SNX29: variants seen among roughly 807,000 people sequenced by gnomAD.
SNX29 encodes sorting nexin-29.
Under a neutral mutation model 102.1 loss-of-function variants are expected in SNX29, and 78 were observed. The observed-to-expected ratio is 0.76, with a 90% confidence interval of 0.64 to 0.92. The LOEUF (loss-of-function observed/expected upper bound fraction) is 0.92, where lower values mean the gene tolerates loss of function less well. Ranked by LOEUF, SNX29 falls within the 40% of genes least tolerant of loss-of-function variation. The pLI is 0.00. For missense variants in SNX29, 1,280 were observed against 1,061.7 expected (o/e 1.21, Z -2.86); for synonymous variants, 580 against 414.5 (o/e 1.40, Z -4.85).
chr16:12,116,746 A>G (rs1436694845), intron 11 of SNX29, among the ~76,000 whole-genome samples: 3 of 152,046 alleles, frequency 2.0e-5, no homozygotes, highest in African/African-American at 4.8e-5. Context: ...TAGTCAATAC[A>G]TGCTTCAACA....
At chr16:12,362,386 A>G (rs1597076591) in intron 16 of SNX29, among the ~76,000 whole-genome samples, 1 of 151,760 alleles carries the variant, frequency 6.6e-6, no homozygotes, top group African/African-American at 2.4e-5. Context: ...AAGGGTGACC[A>G]CCTCCTCCCA....
intron 8 of SNX29, chr16:12,053,209 C>G (rs1262314113): frequency 1.3e-5 from 2 of 150,160 alleles, no homozygotes; most frequent in Non-Finnish European, 2.9e-5. Context: ...GCAGGAGAAT[C>G]GCTTGAATAT....
intron 10 of SNX29, among the ~76,000 whole-genome samples, chr16:12,074,247 G>A (rs2051437418): frequency 6.6e-6 from 1 of 151,758 alleles, no homozygotes. Flanking sequence ...GTTAGTTGAT[G>A]CAGTTTCTTT....
chr16:12,541,125 C>G (rs137918135), intron 20 of SNX29, among the ~76,000 whole-genome samples: 2 of 152,074 alleles, frequency 1.3e-5, no homozygotes, highest in Admixed American at 1.3e-4. Context: ...GGAGGGGAGA[C>G]ACAGGGGGAG....
chr16:12,074,985 C>G (rs948558464), intron 10 of SNX29, among the ~76,000 whole-genome samples: 1 of 152,190 alleles, frequency 6.6e-6, no homozygotes, highest in South Asian at 2.1e-4. Flanking sequence ...CATTCTTCAC[C>G]TAGTTGTCGA....
chr16:12,284,222 T>C (rs538978804), intron 15 of SNX29, among the ~76,000 whole-genome samples: 1 of 152,372 alleles, frequency 6.6e-6, no homozygotes, highest in African/African-American at 2.4e-5. Flanking sequence ...AGCACATGTA[T>C]CGCGTGTCAG....
chr16:12,043,355 ATT>A (rs149579871), intron 5 of SNX29, among the ~76,000 whole-genome samples: 18 of 140,524 alleles, frequency 1.3e-4, no homozygotes, highest in East Asian at 2.1e-4. Flanking sequence ...CACTTTCTGG[ATT>A]TTTTTTTTTT....
At chr16:12,465,275 T>C (rs1163226782) in intron 18 of SNX29, among the ~76,000 whole-genome samples, 10 of 139,092 alleles carry the variant, frequency 7.2e-5, no homozygotes, top group South Asian at 4.4e-4. Context: ...TGGTAACATA[T>C]TCAAAAAAAT....
intron 10 of SNX29, among the ~76,000 whole-genome samples, chr16:12,077,005 G>T (rs906900397): frequency 6.6e-6 from 1 of 152,210 alleles, no homozygotes; most frequent in Non-Finnish European, 1.5e-5. Context: ...TAGGCATGGT[G>T]GCCCATGCCT....
intron 19 of SNX29, among the ~76,000 whole-genome samples, chr16:12,522,332 A>C (rs1474229553): frequency 1.4e-5 from 2 of 139,322 alleles, no homozygotes; most frequent in African/African-American, 5.7e-5. Flanking sequence ...CCTGGCTCAA[A>C]GGTGCCTCTC....
chr16:12,408,380 A>G (rs907460983), intron 18 of SNX29, among the ~76,000 whole-genome samples: 2 of 152,326 alleles, frequency 1.3e-5, no homozygotes, highest in South Asian at 2.1e-4. Context: ...AGCCCTCCAC[A>G]TCCAAGAGCC....
chr16:11,992,726 C>T (rs1245077079), intron 1 of SNX29, among the ~76,000 whole-genome samples: 2 of 152,234 alleles, frequency 1.3e-5, no homozygotes, highest in Non-Finnish European at 2.9e-5. Context: ...TCCTCGCACA[C>T]AGTGGGCACT....
At chr16:12,277,800 G>A in intron 14 of SNX29, 133 bp from the exon 15 acceptor site, 1 of 671,612 alleles carries the variant, frequency 1.5e-6, no homozygotes, top group Non-Finnish European at 2.6e-6. Context: ...GTTAGTAAGT[G>A]TGTGTGTGTG....
chr16:12,338,484 T>C (rs2151245436), intron 15 of SNX29, among the ~76,000 whole-genome samples: 1 of 152,316 alleles, frequency 6.6e-6, no homozygotes, highest in Middle Eastern at 3.4e-3. Context: ...TCAGGCGTTG[T>C]GCACAGGTTC....
At chr16:12,297,443 C>T (rs905159101) in intron 15 of SNX29, 1 of 152,066 alleles carries the variant, frequency 6.6e-6, no homozygotes, top group Admixed American at 6.5e-5. Flanking sequence ...AATGACTGCC[C>T]CCAAGCCAAA....
At chr16:12,137,063 T>C (rs999876685) in intron 13 of SNX29, among the ~76,000 whole-genome samples, 2 of 152,114 alleles carry the variant, frequency 1.3e-5, no homozygotes, top group Non-Finnish European at 2.9e-5. Flanking sequence ...TTAGCGGGCA[T>C]GTTATGGCTA....
intron 14 of SNX29, among the ~76,000 whole-genome samples, chr16:12,236,207 C>T (rs934760950): frequency 2.6e-5 from 4 of 152,146 alleles, no homozygotes; most frequent in African/African-American, 9.7e-5. Flanking sequence ...GTTAATACAT[C>T]ATCTGGTTGA....
intron 15 of SNX29, among the ~76,000 whole-genome samples, chr16:12,285,715 A>G (rs1211586828): frequency 2.0e-5 from 3 of 152,222 alleles, no homozygotes; most frequent in African/African-American, 7.2e-5. Flanking sequence ...CGTGTCCAGG[A>G]GTCATTTTTG....
intron 14 of SNX29, among the ~76,000 whole-genome samples, chr16:12,244,620 A>T (rs1193025334): frequency 6.6e-6 from 1 of 152,114 alleles, no homozygotes; most frequent in Non-Finnish European, 1.5e-5. Flanking sequence ...AAAAAAAAAA[A>T]ATCATCCAAA....
Sources: allele counts gnomAD v4.1 joint callset (sites outside exome capture counted in the v4.1 genomes callset), GRCh38; gene constraint gnomAD v4.1.1; transcripts MANE v1.5; gene names NCBI Gene and HGNC (gene_info 2026-07-23, HGNC 2026-07-21).